Variants in HSD17B12 observed in about 807,000 individuals in gnomAD.
HSD17B12 encodes the protein hydroxysteroid 17-beta dehydrogenase 12, also known as very-long-chain 3-oxoacyl-CoA reductase.
A neutral mutation model predicts 39.3 loss-of-function variants in HSD17B12; 32 were observed. The ratio of observed to expected loss-of-function variants is 0.81; its 90% CI spans 0.61 to 1.09. HSD17B12 has a LOEUF of 1.09. HSD17B12 is among the 50% of genes least tolerant of loss of function. The probability of loss-of-function intolerance (pLI) is 0.00; values close to 1 mark genes in which losing one functional copy is unlikely to be tolerated. For synonymous variants in HSD17B12, 150 were observed against 146.7 expected, an observed-to-expected ratio of 1.02 and a Z score of -0.16; for missense variants, 342 against 382.9, an observed-to-expected ratio of 0.89 and a Z score of 0.89.
At chr11:43,732,783 A>T (rs754878749) in intron 1 of HSD17B12, among the ~76,000 whole-genome samples, 2 of 152,102 alleles carry the variant, frequency 1.3e-5, no homozygotes, top group African/African-American at 2.4e-5. Context: ...GTTATTAATT[A>T]ACTAATTAAT....
the HSD17B12 span, among the ~76,000 whole-genome samples, chr11:43,595,040 C>T: frequency 1.1e-4 from 16 of 152,232 alleles, no homozygotes; most frequent in African/African-American, 3.9e-4. Flanking sequence ...CACAACTGCA[C>T]AAATTTTCAA....
At chr11:43,580,028 C>T in the HSD17B12 span, among the ~76,000 whole-genome samples, 1 of 150,374 alleles carries the variant, frequency 6.7e-6, no homozygotes, top group Non-Finnish European at 1.5e-5. Context: ...GGGAGATAGT[C>T]AGGACGTCCC....
intron 3 of HSD17B12, among the ~76,000 whole-genome samples, chr11:43,783,900 G>A (rs1206979090): frequency 1.3e-5 from 2 of 152,016 alleles, no homozygotes; most frequent in Non-Finnish European, 2.9e-5. Flanking sequence ...CACATTTTGA[G>A]GGAAAATAAC....
chr11:43,688,135 C>A lies in HSD17B12; in HGVS notation c.160+7148C>A, dbSNP rs547693071. ...GCTGAGGCACCAGAATAGCTTGAAC[C>A]CAGGAGGCGGAGGTTGCAGTGAGCC... On this transcript the variant is annotated intron_variant, in intron 1 of 10. Coordinates refer to ENST00000278353, the MANE Select transcript of HSD17B12 (RefSeq NM_016142.3). Among the ~76,000 whole-genome samples, 6 of 152,164 alleles carry A rather than the reference C, an allele frequency of 3.9e-5. No homozygotes were observed. The East Asian group carries it at 9.6e-4, about 24-fold the overall frequency.
chr11:43,683,104 G>T (rs117228449), intron 1 of HSD17B12, among the ~76,000 whole-genome samples: 70,378 of 140,422 alleles, frequency 0.5, 16,571 homozygotes, highest in Non-Finnish European at 0.53. Flanking sequence ...GTTTTTTTTT[G>T]TTTTTTTTTT....
chr11:43,620,744 G>A, the HSD17B12 span, among the ~76,000 whole-genome samples: 1 of 152,148 alleles, frequency 6.6e-6, no homozygotes, highest in Non-Finnish European at 1.5e-5. Flanking sequence ...CATTGATTGC[G>A]TATTTAGAAG....
At chr11:43,813,183 C>T (rs1037819798) in intron 4 of HSD17B12, among the ~76,000 whole-genome samples, 1 of 152,106 alleles carries the variant, frequency 6.6e-6, no homozygotes, top group Admixed American at 6.6e-5. Context: ...TAACACTTCT[C>T]TGCTTGCTTA....
the HSD17B12 span, among the ~76,000 whole-genome samples, chr11:43,557,391 C>T: frequency 6.6e-6 from 1 of 152,034 alleles, no homozygotes; most frequent in Non-Finnish European, 1.5e-5. Flanking sequence ...TTCATGAAGT[C>T]AGAGAAAAGT....
chr11:43,847,813 A>G (rs1312825072), intron 9 of HSD17B12, among the ~76,000 whole-genome samples: 4 of 150,458 alleles, frequency 2.7e-5, no homozygotes, highest in African/African-American at 9.8e-5. Flanking sequence ...TGGTTTTGTT[A>G]GTTCAGGTAA....
At chr11:43,631,609 G>GTC in the HSD17B12 span, among the ~76,000 whole-genome samples, 5 of 116,502 alleles carry the variant, frequency 4.3e-5, no homozygotes, top group South Asian at 8.3e-4. Context: ...CTCTCTCTCT[G>GTC]TCTCTCTCTC....
the HSD17B12 span, among the ~76,000 whole-genome samples, chr11:43,573,092 G>A: frequency 2.0e-5 from 3 of 152,340 alleles, no homozygotes; most frequent in African/African-American, 7.2e-5. Flanking sequence ...CTCTGGGGGA[G>A]CATTGGGGGA....
At chr11:43,839,650 T>C (rs1389206603) in intron 8 of HSD17B12, among the ~76,000 whole-genome samples, 2 of 152,120 alleles carry the variant, frequency 1.3e-5, no homozygotes, top group Non-Finnish European at 2.9e-5. Context: ...TGTTTCTATT[T>C]GAGTGGCAAG....
chr11:43,602,289 C>G, the HSD17B12 span, among the ~76,000 whole-genome samples: 1 of 152,166 alleles, frequency 6.6e-6, no homozygotes, highest in Admixed American at 6.5e-5. Context: ...TCTACCCCAC[C>G]CCACGTTCCC....
In HSD17B12 at chr11:43,855,390, A is replaced by G; in HGVS notation, c.*142A>G. The G allele has an allele frequency of 2.1e-6, 1 of 482,180 alleles. No homozygotes were observed. Among genetic ancestry groups the G allele is most frequent in the East Asian group, 3.4e-5 (1 of 29,672 alleles). The allele number at this position is 482,180 out of a possible 1,614,324, so 29.9% of individuals were successfully genotyped here. A position where few individuals can be genotyped will look rare whatever the true frequency, so the allele number is the denominator to read the frequency against. ...TAAATATTATCTTAATTAAGAGGAA[A>G]ATAGAAGTTGCTTTTAGGGGTTTCT... On this transcript the variant is annotated 3_prime_UTR_variant, in exon 11 of 11. Transcript: ENST00000278353.
At chr11:43,670,994 T>C in the HSD17B12 span, among the ~76,000 whole-genome samples, 5 of 152,116 alleles carry the variant, frequency 3.3e-5, no homozygotes, top group African/African-American at 1.2e-4. Context: ...TGGGTAAAGA[T>C]AACAAATCCT....
chr11:43,778,271 C>G (rs1314004233), intron 3 of HSD17B12, among the ~76,000 whole-genome samples: 1 of 152,140 alleles, frequency 6.6e-6, no homozygotes, highest in East Asian at 1.9e-4. Flanking sequence ...TACACTCTCC[C>G]AAGACTAAAC....
the HSD17B12 span, among the ~76,000 whole-genome samples, chr11:43,588,608 AGC>A: frequency 1.5e-3 from 91 of 61,130 alleles, no homozygotes; most frequent in Non-Finnish European, 3.0e-3. Context: ...TATTATTATT[AGC>A]TATTATTATT....
chr11:43,633,942 C>A, the HSD17B12 span, among the ~76,000 whole-genome samples: 1 of 151,504 alleles, frequency 6.6e-6, no homozygotes, highest in African/African-American at 2.4e-5. Context: ...GGCATGGTGG[C>A]GCATGCCTGT....
chr11:43,561,060 C>G, the HSD17B12 span, among the ~76,000 whole-genome samples: 2 of 152,210 alleles, frequency 1.3e-5, no homozygotes, highest in African/African-American at 4.8e-5. Flanking sequence ...CTGCTGATCT[C>G]TTCACTGAAG....
Sources: allele counts gnomAD v4.1 joint callset (sites outside exome capture counted in the v4.1 genomes callset), GRCh38; gene constraint gnomAD v4.1.1; transcripts MANE v1.5; gene names NCBI Gene and HGNC (gene_info 2026-07-23, HGNC 2026-07-21).